Variants in ADAMTSL1 observed in about 807,000 individuals in gnomAD.
ADAMTSL1 encodes the protein ADAMTS-like protein 1.
In ADAMTSL1, 126 loss-of-function variants were observed where a neutral mutation model predicts 201.8. That is an observed-to-expected ratio of 0.62 (90% CI 0.54 to 0.72). ADAMTSL1 has a LOEUF of 0.72. Among genes scored for constraint, ADAMTSL1 ranks in the 30% least tolerant of loss-of-function variants. The pLI, the probability that ADAMTSL1 is intolerant of heterozygous loss-of-function variation, is 0.00. For missense variants in ADAMTSL1, 2,679 were observed against 2,277.8 expected (o/e 1.18, Z -3.59); for synonymous variants, 1,121 against 903.4 (o/e 1.24, Z -4.32).
At chr9:18,807,549 G>C (rs1823224880) in intron 20 of ADAMTSL1, among the ~76,000 whole-genome samples, 1 of 151,914 alleles carries the variant, frequency 6.6e-6, no homozygotes, top group Admixed American at 6.5e-5. Context: ...GGAGCCTGAG[G>C]CGGGAGAACC....
At chr9:17,976,090 T>G (rs1316479096) in intron 1 of ADAMTSL1, among the ~76,000 whole-genome samples, 1 of 152,150 alleles carries the variant, frequency 6.6e-6, no homozygotes, top group African/African-American at 2.4e-5. Context: ...ATTGTGTCTA[T>G]TTTTATGTGA....
At chr9:18,323,818 G>C (rs992065376) in intron 2 of ADAMTSL1, among the ~76,000 whole-genome samples, 1 of 152,136 alleles carries the variant, frequency 6.6e-6, no homozygotes, top group African/African-American at 2.4e-5. Flanking sequence ...GGACTGCTTT[G>C]AGAAATCAAA....
intron 7 of ADAMTSL1, among the ~76,000 whole-genome samples, chr9:18,641,318 C>G (rs188854081): frequency 6.6e-6 from 1 of 152,180 alleles, no homozygotes; most frequent in African/African-American, 2.4e-5. Context: ...GTCTTCATAT[C>G]TCCATAAGAA....
At chr9:18,722,977 A>C in intron 15 of ADAMTSL1, 1 of 771,298 alleles carries the variant, frequency 1.3e-6, no homozygotes, top group South Asian at 1.4e-5. Context: ...GGCAAAGGGC[A>C]CCAACTTTTC....
chr9:18,584,307 T>C (rs1257491072), intron 4 of ADAMTSL1, among the ~76,000 whole-genome samples: 1 of 151,290 alleles, frequency 6.6e-6, no homozygotes, highest in African/African-American at 2.4e-5. Flanking sequence ...CTGCACAAGC[T>C]CTCTTCTTTT....
intron 21 of ADAMTSL1, among the ~76,000 whole-genome samples, chr9:18,824,857 C>A (rs912111075): frequency 4.6e-5 from 7 of 151,946 alleles, no homozygotes; most frequent in African/African-American, 1.7e-4. Flanking sequence ...ACCACCATGC[C>A]TGGCTAATTT....
At chr9:18,261,162 A>T (rs1405536254) in intron 2 of ADAMTSL1, among the ~76,000 whole-genome samples, 2 of 151,800 alleles carry the variant, frequency 1.3e-5, no homozygotes, top group Non-Finnish European at 2.9e-5. Context: ...GTCCAGCAAC[A>T]CAGGAGTAGG....
At chr9:18,703,701 C>CATACATATATATATATATAT (rs1295764808) in intron 13 of ADAMTSL1, among the ~76,000 whole-genome samples, 22 of 78,808 alleles carry the variant, frequency 2.8e-4, no homozygotes, top group African/African-American at 1.0e-3. Context: ...TGCGCACATA[C>CATACATATATATATATATAT]ATATATATAT....
chr9:18,813,863 T>C (rs183181969), intron 20 of ADAMTSL1, among the ~76,000 whole-genome samples: 66 of 152,340 alleles, frequency 4.3e-4, no homozygotes, highest in African/African-American at 1.5e-3. Context: ...AGAAAAGTGG[T>C]GAACATGGAT....
intron 1 of ADAMTSL1, among the ~76,000 whole-genome samples, chr9:17,985,471 A>G (rs1818887255): frequency 6.6e-6 from 1 of 152,152 alleles, no homozygotes; most frequent in South Asian, 2.1e-4. Flanking sequence ...AAATCTTGAA[A>G]AATACTTTAT....
intron 23 of ADAMTSL1, among the ~76,000 whole-genome samples, chr9:18,881,274 C>G (rs1391901666): frequency 6.6e-6 from 1 of 152,198 alleles, no homozygotes; most frequent in Non-Finnish European, 1.5e-5. Flanking sequence ...AGAGACCTGT[C>G]TTGGCTTTTG....
chr9:18,689,891 T>C (rs1019187863), intron 13 of ADAMTSL1, among the ~76,000 whole-genome samples: 4 of 152,232 alleles, frequency 2.6e-5, no homozygotes, highest in Admixed American at 1.3e-4. Flanking sequence ...TTATTAGATT[T>C]TCAGTCAACG....
intron 1 of ADAMTSL1, among the ~76,000 whole-genome samples, chr9:18,013,231 G>A (rs530789951): frequency 6.6e-6 from 1 of 152,100 alleles, no homozygotes; most frequent in Admixed American, 6.6e-5. Flanking sequence ...GTGGCTTGCA[G>A]AGCACTTTCA....
chr9:18,035,963 C>A (rs1348896030), intron 1 of ADAMTSL1, among the ~76,000 whole-genome samples: 7 of 152,068 alleles, frequency 4.6e-5, no homozygotes, highest in African/African-American at 1.7e-4. Flanking sequence ...GTCCTTACCC[C>A]CTATCTTGCT....
intron 1 of ADAMTSL1, among the ~76,000 whole-genome samples, chr9:18,039,412 C>A (rs1278072266): frequency 1.3e-5 from 2 of 151,978 alleles, no homozygotes; most frequent in Non-Finnish European, 2.9e-5. Context: ...AAAAATAATT[C>A]CCCTCTCAAA....
chr9:18,338,715 T>C lies in ADAMTSL1; in HGVS notation c.208-166114T>C, dbSNP rs546392683. Among the ~76,000 whole-genome samples the C allele has an allele frequency of 5.9e-5, 9 of 152,282 alleles. No homozygotes were observed. In the East Asian group the frequency reaches 1.7e-3, roughly 29 times the overall value. On this transcript the variant is annotated intron_variant, in intron 2 of 29. Transcript: ENST00000680146. ...CAGGAGCTTGATGTACAGATTATTT[T>C]GTCACCAAGGTAATAAACATAGTAC...
At position 18,777,066 on chromosome 9, in the gene ADAMTSL1, C is replaced by A; in HGVS notation, c.2837C>A (p.Thr946Asn). Reference sequence around the variant, plus strand: ...AAGCCCTCGGATGCAGGCGTCTACACCTGCTCAGCGGGCCCGGCCCGGGAG... The same window carrying A: ...AAGCCCTCGGATGCAGGCGTCTACAACTGCTCAGCGGGCCCGGCCCGGGAG... ...RLKPSDAGVY[T>N]CSAGPAREHF... The change falls in exon 19 of 29, where the codon ACC becomes AAC. Residue 946 changes from threonine (T) to asparagine (N), a missense_variant. Coordinates refer to ENST00000380548, the MANE Select transcript of ADAMTSL1 (RefSeq NM_001040272.6). 1 of 1,613,376 alleles carries A rather than the reference C, an allele frequency of 6.2e-7. No individual in the cohort carries two copies. Among genetic ancestry groups the A allele is most frequent in the Non-Finnish European group, 8.5e-7 (1 of 1,179,798 alleles).
chr9:17,986,492 A>G (rs1351572295), intron 1 of ADAMTSL1, among the ~76,000 whole-genome samples: 1 of 152,088 alleles, frequency 6.6e-6, no homozygotes, highest in Non-Finnish European at 1.5e-5. Flanking sequence ...CAGAAAGAAG[A>G]ATGATCTGTA....
At chr9:18,044,807 T>G (rs1468906677) in intron 1 of ADAMTSL1, among the ~76,000 whole-genome samples, 1 of 152,176 alleles carries the variant, frequency 6.6e-6, no homozygotes, top group East Asian at 1.9e-4. Context: ...GAGTCACACC[T>G]AGAATACAGA....
Sources: gnomAD v4.1 joint callset for allele counts (sites outside exome capture counted in the v4.1 genomes callset) on GRCh38, gnomAD v4.1.1 for gene constraint, MANE v1.5 for transcripts, NCBI Gene and HGNC (gene_info 2026-07-23, HGNC 2026-07-21) for gene names.